Variants in MTMR12 observed in about 807,000 individuals in gnomAD.
MTMR12 encodes the protein myotubularin-related protein 12.
Under a neutral mutation model 96.7 loss-of-function variants are expected in MTMR12, and 33 were observed. The observed-to-expected ratio is 0.34, with a 90% CI of 0.26 to 0.46. The LOEUF is 0.46. Among genes scored for constraint, MTMR12 ranks in the 20% least tolerant of loss-of-function variants. MTMR12 has a pLI of 1.00. For missense variants in MTMR12, 721 were observed against 896.1 expected, an observed-to-expected ratio of 0.80 and a Z score of 2.49; for synonymous variants, 298 against 327.2, an observed-to-expected ratio of 0.91 and a Z score of 0.96.
chr5:32,306,149 T>C (rs891572346), intron 1 of MTMR12, among the ~76,000 whole-genome samples: 2 of 152,182 alleles, frequency 1.3e-5, no homozygotes, highest in Non-Finnish European at 2.9e-5. Flanking sequence ...TCACTAGTAA[T>C]ATTCCTTACA....
Position 32,228,593 on chromosome 5 carries a change from T to TATATATATATCATATATATGTG in MTMR12, c.*1184_*1185insCACATATATATGATATATATAT, listed in dbSNP as rs1561727283. The TATATATATATCATATATATGTG allele has an allele frequency of 6.1e-5, 6 of 99,146 alleles. No homozygotes were observed. Among genetic ancestry groups the TATATATATATCATATATATGTG allele is most frequent in the African/African-American group, 2.2e-4 (5 of 22,356 alleles). 6.1% of individuals were successfully genotyped at this position (99,146 alleles called of 1,614,324 possible). A position where few individuals can be genotyped will look rare whatever the true frequency, so the allele number is the denominator to read the frequency against. The stretch of plus-strand genomic sequence containing the variant: ...TCATATATATATCATATATATGTGA[T>TATATATATATCATATATATGTG]ATATATATATATATCATATATATGA... On this transcript the variant is annotated 3_prime_UTR_variant, in exon 16 of 16. Transcript: ENST00000382142.
chr5:32,302,497 T>C (rs7722540), intron 1 of MTMR12, among the ~76,000 whole-genome samples: 13 of 151,646 alleles, frequency 8.6e-5, no homozygotes, highest in African/African-American at 3.2e-4. Context: ...GGTGGGTAGA[T>C]CACAAGGTCA....
intron 7 of MTMR12, 90 bp from the exon 8 acceptor site, chr5:32,255,858 CAG>C (rs1561763705): frequency 7.7e-6 from 9 of 1,167,290 alleles, no homozygotes; most frequent in Non-Finnish European, 1.2e-6. Context: ...TGAATACAAG[CAG>C]AGTGTTAAGC....
intron 1 of MTMR12, among the ~76,000 whole-genome samples, chr5:32,288,782 T>C (rs1360354510): frequency 6.6e-6 from 1 of 152,206 alleles, no homozygotes; most frequent in East Asian, 1.9e-4. Context: ...TGGCCCACTA[T>C]GAGTGAGCTG....
Position 32,274,023 on chromosome 5 carries a change from T to C in MTMR12, c.242A>G (p.Lys81Arg), listed in dbSNP as rs201199652. Residue 81 changes from lysine (K) to arginine (R), a missense_variant, in exon 3 of 16, where the codon AAG (lysine) becomes AGG (arginine). Physicochemically the swap from Lys to Arg is conservative, Grantham distance 26. Coordinates refer to ENST00000382142, the MANE Select transcript of MTMR12 (RefSeq NM_001040446.3). ...TTCATCATCACCCAAGAAGGCAATC[T>C]TGAAGTCTGTGCAGACAAGCCTCCC... ...VYGRLVCTDF[K>R]IAFLGDDESA... is the part of the protein sequence containing the mutation. 1.2e-6 allele frequency: 2 copies of C among 1,614,238 alleles called. No individual in the cohort carries two copies. The highest frequency in any genetic ancestry group is 3.3e-5 in the Admixed American group (2 of 60,028).
At chr5:32,311,758 C>A (rs181632611) in intron 1 of MTMR12, among the ~76,000 whole-genome samples, 10 of 152,204 alleles carry the variant, frequency 6.6e-5, no homozygotes, top group African/African-American at 2.4e-4. Context: ...GCTTCCTTGA[C>A]GCTCCGCCAA....
At chr5:32,274,200 C>T in intron 2 of MTMR12, 78 bp from the exon 3 acceptor site, 1 of 1,505,132 alleles carries the variant, frequency 6.6e-7, no homozygotes, top group African/African-American at 1.4e-5. Context: ...CTTTCCAGCC[C>T]TATTTACATA....
intron 1 of MTMR12, among the ~76,000 whole-genome samples, chr5:32,280,383 AT>A (rs1750246876): frequency 6.6e-6 from 1 of 152,182 alleles, no homozygotes; most frequent in Non-Finnish European, 1.5e-5. Flanking sequence ...ATTTCTTTCC[AT>A]TGCATTTGAC....
intron 1 of MTMR12, among the ~76,000 whole-genome samples, chr5:32,290,680 T>TCTGC (rs1750709289): frequency 6.6e-6 from 1 of 152,174 alleles, no homozygotes; most frequent in Non-Finnish European, 1.5e-5. Flanking sequence ...TGCAAGCTGC[T>TCTGC]CTGCCACTTG....
chr5:32,228,521 A>G lies in MTMR12; in HGVS notation c.*1257T>C, dbSNP rs959242834. Reference sequence around the variant, plus strand: ...TACTTTCCTGCATTAAAAAAAATATATATCATATATATGATATATATATCA... The same window carrying G: ...TACTTTCCTGCATTAAAAAAAATATGTATCATATATATGATATATATATCA... On this transcript the variant is annotated 3_prime_UTR_variant, in exon 16 of 16. Transcript: ENST00000382142. The G allele has an allele frequency of 1.9e-5, 2 of 104,924 alleles. No homozygotes were observed. Among genetic ancestry groups the G allele is most frequent in the East Asian group, 3.1e-4 (1 of 3,274 alleles). 6.5% of individuals were successfully genotyped at this position (104,924 alleles called of 1,614,324 possible).
intron 1 of MTMR12, among the ~76,000 whole-genome samples, chr5:32,289,003 T>C (rs189566425): frequency 6.6e-6 from 1 of 152,298 alleles, no homozygotes; most frequent in African/African-American, 2.4e-5. Flanking sequence ...TCTCTGTATG[T>C]CAAATCTAAC....
intron 8 of MTMR12, among the ~76,000 whole-genome samples, chr5:32,254,612 G>GT (rs1749069200): frequency 6.8e-6 from 1 of 147,536 alleles, no homozygotes; most frequent in African/African-American, 2.5e-5. Context: ...GGAGGCCGAG[G>GT]CGGGTGGATC....
Position 32,228,568 on chromosome 5 carries a change from T to TAA in MTMR12, c.*1209_*1210insTT, listed in dbSNP as rs1554053385. The TAA allele has an allele frequency of 1.6e-5, 2 of 124,158 alleles. No homozygotes were observed. The highest frequency in any genetic ancestry group is 8.0e-5 in the African/African-American group (2 of 25,012). The allele number at this position is 124,158 out of a possible 1,614,324, so 7.7% of individuals were successfully genotyped here. On this transcript the variant is annotated 3_prime_UTR_variant, in exon 16 of 16. Transcript: ENST00000382142. ...ATCATATATATGTGATATATATATATCATATATATATCATATATATGTGAT... is the reference window on the plus strand; with the variant it reads ...ATCATATATATGTGATATATATATATAACATATATATATCATATATATGTGAT...
At chr5:32,237,432 C>T (rs1234427190) in intron 13 of MTMR12, among the ~76,000 whole-genome samples, 1 of 152,124 alleles carries the variant, frequency 6.6e-6, no homozygotes, top group African/African-American at 2.4e-5. Flanking sequence ...CAGACAGAAG[C>T]AGAAGAGGCT....
chr5:32,250,242 C>T (rs1356308332), intron 8 of MTMR12, among the ~76,000 whole-genome samples: 2 of 152,070 alleles, frequency 1.3e-5, no homozygotes, highest in African/African-American at 4.8e-5. Context: ...ATTCAGGAGG[C>T]CCCTAAAATG....
At chr5:32,254,902 A>C (rs1236509629) in intron 8 of MTMR12, among the ~76,000 whole-genome samples, 4 of 152,196 alleles carry the variant, frequency 2.6e-5, no homozygotes, top group Admixed American at 2.6e-4. Flanking sequence ...GCTTCTCCTG[A>C]AAAATCAGGA....
intron 1 of MTMR12, among the ~76,000 whole-genome samples, chr5:32,286,302 C>T (rs185129710): frequency 1.3e-5 from 2 of 152,218 alleles, no homozygotes; most frequent in Admixed American, 6.5e-5. Flanking sequence ...GATTATGCCA[C>T]TGCACTCCAG....
At position 32,234,686 on chromosome 5, in the gene MTMR12, G is replaced by T. The variant is rs553830440; in HGVS notation, c.1512+276C>A. The stretch of plus-strand genomic sequence containing the variant: ...ATAATAAAAATGCATATGCCATAGG[G>T]TGCTGTAAGGAGTAAGTATTAATAC... On this transcript the variant is annotated intron_variant, in intron 14 of 15. Coordinates refer to ENST00000382142, the MANE Select transcript of MTMR12 (RefSeq NM_001040446.3). 1.8e-5 allele frequency: 4 copies of T among 226,800 alleles called. No individual in the cohort carries two copies. The South Asian group carries it at 5.6e-4, about 31-fold the overall frequency. 14.0% of individuals were successfully genotyped at this position (226,800 alleles called of 1,614,324 possible). A position where few individuals can be genotyped will look rare whatever the true frequency, so the allele number is the denominator to read the frequency against.
intron 4 of MTMR12, among the ~76,000 whole-genome samples, chr5:32,271,604 G>C (rs893067564): frequency 6.6e-6 from 1 of 152,188 alleles, no homozygotes; most frequent in Non-Finnish European, 1.5e-5. Context: ...ATGGTGTCGT[G>C]TGAAGTATTA....
Sources: gnomAD v4.1 joint callset for allele counts (sites outside exome capture counted in the v4.1 genomes callset) on GRCh38, gnomAD v4.1.1 for gene constraint, MANE v1.5 for transcripts, NCBI Gene and HGNC (gene_info 2026-07-23, HGNC 2026-07-21) for gene names.